KCTD16: variants seen among roughly 807,000 people sequenced by gnomAD.
KCTD16 encodes potassium channel tetramerization domain containing 16, also known as BTB/POZ domain-containing protein KCTD16.
A neutral mutation model predicts 33.2 loss-of-function variants in KCTD16; 13 were observed. The observed-to-expected ratio is 0.39, with a 90% CI of 0.25 to 0.62. KCTD16 has a LOEUF of 0.62. Ranked by LOEUF, KCTD16 falls within the 20% of genes least tolerant of loss-of-function variation. KCTD16 has a pLI of 0.50. For synonymous variants in KCTD16, 197 were observed against 195.3 expected (o/e 1.01, Z -0.07); for missense variants, 441 against 525.1 (o/e 0.84, Z 1.57).
At chr5:144,313,996 A>G (rs991107863) in intron 3 of KCTD16, among the ~76,000 whole-genome samples, 2 of 152,174 alleles carry the variant, frequency 1.3e-5, no homozygotes, top group African/African-American at 4.8e-5. Context: ...TAAAGAGGTC[A>G]TTTAATTTAA....
At chr5:144,259,223 A>G (rs1754935378) in intron 3 of KCTD16, among the ~76,000 whole-genome samples, 1 of 133,678 alleles carries the variant, frequency 7.5e-6, no homozygotes, top group African/African-American at 2.9e-5. Flanking sequence ...GCGCCGCTGC[A>G]CTCCAGGCTG....
At chr5:144,293,291 C>T (rs562899679) in intron 3 of KCTD16, among the ~76,000 whole-genome samples, 44 of 152,276 alleles carry the variant, frequency 2.9e-4, no homozygotes, top group Non-Finnish European at 5.3e-4. Context: ...ATATGGAAAT[C>T]CTCAAACCTC....
intron 3 of KCTD16, among the ~76,000 whole-genome samples, chr5:144,397,832 T>G (rs1231305592): frequency 2.0e-5 from 3 of 152,202 alleles, no homozygotes; most frequent in Non-Finnish European, 4.4e-5. Flanking sequence ...TGTATTGTAT[T>G]ATCTTGGAAA....
In KCTD16 at chr5:144,483,905, A is replaced by G. The variant is rs967456115; in HGVS notation, c.*9791A>G. The G allele has an allele frequency of 6.6e-6, 1 of 151,984 alleles. No individual in the cohort carries two copies. Among genetic ancestry groups the G allele is most frequent in the Non-Finnish European group, 1.5e-5 (1 of 67,936 alleles). The allele number at this position is 151,984 out of a possible 1,614,324, so 9.4% of individuals were successfully genotyped here. On this transcript the variant is annotated 3_prime_UTR_variant, in exon 4 of 4. Coordinates refer to ENST00000512467, the MANE Select transcript of KCTD16 (RefSeq NM_020768.4). ...CTTCTAAAGATGTTGTCTTAAAAAC[A>G]TAAGAAAGAAAATCCATTTTTTTAA...
intron 3 of KCTD16, among the ~76,000 whole-genome samples, chr5:144,448,298 T>C (rs963927775): frequency 6.6e-6 from 1 of 152,072 alleles, no homozygotes; most frequent in Non-Finnish European, 1.5e-5. Flanking sequence ...AATGGTCAAT[T>C]CATTGTAAAT....
intron 2 of KCTD16, among the ~76,000 whole-genome samples, chr5:144,187,837 A>G (rs987563506): frequency 1.3e-5 from 2 of 152,220 alleles, no homozygotes; most frequent in Non-Finnish European, 2.9e-5. Flanking sequence ...ATTGGAAACC[A>G]GCCAGGATCT....
intron 3 of KCTD16, among the ~76,000 whole-genome samples, chr5:144,256,732 A>G (rs1180779422): frequency 6.6e-6 from 1 of 152,128 alleles, no homozygotes; most frequent in African/African-American, 2.4e-5. Flanking sequence ...TCTAGTAACC[A>G]AAATGGGAAG....
intron 3 of KCTD16, among the ~76,000 whole-genome samples, chr5:144,381,828 A>G (rs1045440329): frequency 6.6e-6 from 1 of 152,236 alleles, no homozygotes; most frequent in Non-Finnish European, 1.5e-5. Context: ...GATTTATCAA[A>G]GAATCTAAAA....
chr5:144,199,244 A>G (rs1160529020), intron 2 of KCTD16, among the ~76,000 whole-genome samples: 1 of 152,200 alleles, frequency 6.6e-6, no homozygotes, highest in Non-Finnish European at 1.5e-5. Context: ...TGGGTTCCCT[A>G]GGTAGGAGAT....
intron 3 of KCTD16, among the ~76,000 whole-genome samples, chr5:144,348,891 T>G (rs1752876495): frequency 6.6e-6 from 1 of 152,106 alleles, no homozygotes; most frequent in Non-Finnish European, 1.5e-5. Context: ...CCCCACTATC[T>G]CCTATTGTAA....
chr5:144,285,067 G>T (rs973480072), intron 3 of KCTD16, among the ~76,000 whole-genome samples: 2 of 152,180 alleles, frequency 1.3e-5, no homozygotes, highest in Admixed American at 6.5e-5. Flanking sequence ...CATCAGAGAA[G>T]TTTGTAGGAT....
At chr5:144,376,656 T>G (rs563719883) in intron 3 of KCTD16, among the ~76,000 whole-genome samples, 12 of 152,304 alleles carry the variant, frequency 7.9e-5, no homozygotes, top group African/African-American at 2.6e-4. Context: ...TTTTTCCAAG[T>G]GAAATGCAAT....
intron 3 of KCTD16, among the ~76,000 whole-genome samples, chr5:144,433,066 G>C (rs1262621383): frequency 6.6e-6 from 1 of 152,114 alleles, no homozygotes; most frequent in African/African-American, 2.4e-5. Flanking sequence ...ACCTAAGTCT[G>C]TGGGACTTTG....
At chr5:144,201,349 A>G (rs1753041345) in intron 2 of KCTD16, among the ~76,000 whole-genome samples, 1 of 152,214 alleles carries the variant, frequency 6.6e-6, no homozygotes, top group South Asian at 2.1e-4. Context: ...TTCCCCCATG[A>G]ATAATAAATA....
intron 3 of KCTD16, among the ~76,000 whole-genome samples, chr5:144,317,019 G>C (rs1289537974): frequency 6.6e-6 from 1 of 150,460 alleles, no homozygotes; most frequent in Non-Finnish European, 1.5e-5. Flanking sequence ...GTAGAGATGG[G>C]GTTTCATCAT....
chr5:144,325,699 G>C (rs1229707727), intron 3 of KCTD16, among the ~76,000 whole-genome samples: 1 of 152,118 alleles, frequency 6.6e-6, no homozygotes, highest in African/African-American at 2.4e-5. Flanking sequence ...AGTACATCCT[G>C]AAGAGGCACC....
At chr5:144,194,992 G>T (rs184567597) in intron 2 of KCTD16, among the ~76,000 whole-genome samples, 1 of 152,246 alleles carries the variant, frequency 6.6e-6, no homozygotes, top group East Asian at 1.9e-4. Flanking sequence ...CTGATCAAAA[G>T]TAACTTGTTC....
chr5:144,205,749 C>T, intron 2 of KCTD16: 1 of 395,542 alleles, frequency 2.5e-6, no homozygotes. Context: ...TCAACCCAAC[C>T]TCCTCTCATC....
At chr5:144,300,720 T>A (rs561579682) in intron 3 of KCTD16, among the ~76,000 whole-genome samples, 1 of 152,278 alleles carries the variant, frequency 6.6e-6, no homozygotes, top group South Asian at 2.1e-4. Flanking sequence ...TGATATACAA[T>A]GTGGTTGGGC....
Sources: allele counts gnomAD v4.1 joint callset (sites outside exome capture counted in the v4.1 genomes callset), GRCh38; gene constraint gnomAD v4.1.1; transcripts MANE v1.5; gene names NCBI Gene and HGNC (gene_info 2026-07-23, HGNC 2026-07-21).